The following HS6ST3 variants were observed in gnomAD, a reference collection of about 807,000 sequenced individuals.
The protein encoded by HS6ST3 is heparan sulfate 6-O-sulfotransferase 3, also known as heparan-sulfate 6-O-sulfotransferase 3.
HS6ST3 carries 12 observed loss-of-function variants against 36.7 expected under a neutral mutation model. The ratio of observed to expected loss-of-function variants is 0.33; its 90% CI spans 0.21 to 0.53. The LOEUF (loss-of-function observed/expected upper bound fraction) is 0.53. Among genes scored for constraint, HS6ST3 ranks in the 20% least tolerant of loss-of-function variants. The pLI is 0.95. For missense variants in HS6ST3, 584 were observed against 640.9 expected (o/e 0.91, Z 0.96); for synonymous variants, 240 against 257.5 (o/e 0.93, Z 0.65).
intron 1 of HS6ST3, among the ~76,000 whole-genome samples, chr13:96,711,812 G>A (rs542092506): frequency 9.9e-4 from 150 of 152,272 alleles, no homozygotes; most frequent in African/African-American, 3.5e-3. Flanking sequence ...CTCCCTGTGG[G>A]TTATTCTTTA....
rs1277478000 is a variant in HS6ST3, at chr13:96,837,481, A to C, written c.*4283A>C. 6.6e-6 allele frequency: 1 copy of C among 152,246 alleles called. No homozygotes were observed. The highest frequency in any genetic ancestry group is 1.5e-5 in the Non-Finnish European group (1 of 68,048). The allele number at this position is 152,246 out of a possible 1,614,324, so 9.4% of individuals were successfully genotyped here. ...TAGAGCCCCAGCCTTTTGACTTCAT[A>C]GTCTTTCCGACTACTTTATGCAGCT... On this transcript the variant is annotated 3_prime_UTR_variant, in exon 2 of 2. Coordinates refer to ENST00000376705, the MANE Select transcript of HS6ST3 (RefSeq NM_153456.4).
At chr13:96,374,867 T>A (rs956524288) in intron 1 of HS6ST3, among the ~76,000 whole-genome samples, 2 of 152,118 alleles carry the variant, frequency 1.3e-5, no homozygotes, top group African/African-American at 4.8e-5. Flanking sequence ...TATTATTATT[T>A]TCTTCTAACT....
intron 1 of HS6ST3, among the ~76,000 whole-genome samples, chr13:96,519,398 G>A (rs1323904477): frequency 6.6e-6 from 1 of 152,204 alleles, no homozygotes; most frequent in Non-Finnish European, 1.5e-5. Flanking sequence ...GTGAAGTCTT[G>A]TTTTGCTTTG....
chr13:96,456,890 T>C (rs1227473478), intron 1 of HS6ST3, among the ~76,000 whole-genome samples: 4 of 152,154 alleles, frequency 2.6e-5, no homozygotes, highest in Admixed American at 6.5e-5. Context: ...AGTTCTTCTT[T>C]GGAAAATATA....
At chr13:96,131,363 T>TA (rs150858279) in intron 1 of HS6ST3, among the ~76,000 whole-genome samples, 3,062 of 152,170 alleles carry the variant, frequency 0.02, 88 homozygotes, top group African/African-American at 0.067. Flanking sequence ...TTAAACAAAT[T>TA]AAAAAAAATC....
At chr13:96,093,447 A>G (rs981689608) in intron 1 of HS6ST3, among the ~76,000 whole-genome samples, 4 of 152,214 alleles carry the variant, frequency 2.6e-5, no homozygotes, top group African/African-American at 9.6e-5. Context: ...GTGACTGTTT[A>G]AACATATGAT....
intron 1 of HS6ST3, among the ~76,000 whole-genome samples, chr13:96,439,862 C>G (rs1179505738): frequency 6.6e-6 from 1 of 152,164 alleles, no homozygotes; most frequent in Admixed American, 6.5e-5. Context: ...ATGTGATAAA[C>G]TCAAGTCAGG....
intron 1 of HS6ST3, among the ~76,000 whole-genome samples, chr13:96,095,131 G>A (rs2053784135): frequency 6.6e-6 from 1 of 152,156 alleles, no homozygotes; most frequent in African/African-American, 2.4e-5. Context: ...GGGAATTCAT[G>A]TCTCCATTTT....
At chr13:96,825,072 G>A (rs1401355069) in intron 1 of HS6ST3, among the ~76,000 whole-genome samples, 1 of 152,192 alleles carries the variant, frequency 6.6e-6, no homozygotes, top group Non-Finnish European at 1.5e-5. Context: ...AGGCTGGGTG[G>A]AGGAGTTCCT....
intron 1 of HS6ST3, among the ~76,000 whole-genome samples, chr13:96,518,619 A>G (rs1421235485): frequency 6.6e-6 from 1 of 152,176 alleles, no homozygotes; most frequent in Non-Finnish European, 1.5e-5. Flanking sequence ...ATCATTATCA[A>G]GTATTATGTA....
At position 96,423,950 on chromosome 13, in the gene HS6ST3, A is replaced by T. The variant is rs151085291; in HGVS notation, c.707+332381A>T. ...ATTGTATCTTGGCTGCAACAATCCA[A>T]ATTATCCACATGCATTAAATATTCT... On this transcript the variant is annotated intron_variant, in intron 1 of 1. Transcript: ENST00000376705. 1.4e-3 allele frequency among the ~76,000 whole-genome samples: 217 copies of T among 152,306 alleles called. 2 individuals carry two copies. Among genetic ancestry groups the T allele is most frequent in the African/African-American group, 5.0e-3 (207 of 41,556 alleles).
chr13:96,144,301 A>G (rs549170126), intron 1 of HS6ST3, among the ~76,000 whole-genome samples: 3 of 152,224 alleles, frequency 2.0e-5, no homozygotes, highest in Admixed American at 6.5e-5. Flanking sequence ...AAGATTACTA[A>G]GTATACTGTA....
At chr13:96,155,695 A>G (rs2054107060) in intron 1 of HS6ST3, among the ~76,000 whole-genome samples, 1 of 152,236 alleles carries the variant, frequency 6.6e-6, no homozygotes, top group Non-Finnish European at 1.5e-5. Flanking sequence ...TTCCATGGCC[A>G]ACAACTTAAG....
intron 1 of HS6ST3, among the ~76,000 whole-genome samples, chr13:96,094,140 G>A (rs1179477775): frequency 1.3e-5 from 2 of 152,128 alleles, no homozygotes; most frequent in Non-Finnish European, 2.9e-5. Flanking sequence ...ATGTACCCAG[G>A]AGTAAGTTAC....
intron 1 of HS6ST3, among the ~76,000 whole-genome samples, chr13:96,668,726 T>TTTTTTTTTTTTTA (rs2056673183): frequency 8.1e-6 from 1 of 123,346 alleles, no homozygotes; most frequent in African/African-American, 3.3e-5. Flanking sequence ...TTTTTTTTTT[T>TTTTTTTTTTTTTA]GTATCAGGTA....
chr13:96,201,324 C>T (rs903559632), intron 1 of HS6ST3, among the ~76,000 whole-genome samples: 12 of 151,928 alleles, frequency 7.9e-5, no homozygotes, highest in East Asian at 3.9e-4. Flanking sequence ...AAATTCCTTG[C>T]GTGGAGGAAG....
chr13:96,368,167 A>G (rs910183406), intron 1 of HS6ST3, among the ~76,000 whole-genome samples: 2 of 152,106 alleles, frequency 1.3e-5, no homozygotes, highest in African/African-American at 2.4e-5. Context: ...TTGTGTGCAT[A>G]ATAGTTCACT....
At chr13:96,553,008 G>A (rs146761790) in intron 1 of HS6ST3, among the ~76,000 whole-genome samples, 2 of 152,150 alleles carry the variant, frequency 1.3e-5, no homozygotes, top group East Asian at 3.9e-4. Flanking sequence ...GAGGAGTGAG[G>A]TAGGGGCAAA....
At chr13:96,365,740 T>C (rs1363602068) in intron 1 of HS6ST3, among the ~76,000 whole-genome samples, 2 of 152,208 alleles carry the variant, frequency 1.3e-5, no homozygotes, top group Non-Finnish European at 2.9e-5. Flanking sequence ...GTATGAATAT[T>C]TTCAAGTTTA....
Sources: gnomAD v4.1 joint callset for allele counts (sites outside exome capture counted in the v4.1 genomes callset) on GRCh38, gnomAD v4.1.1 for gene constraint, MANE v1.5 for transcripts, NCBI Gene and HGNC (gene_info 2026-07-23, HGNC 2026-07-21) for gene names.